The following RAD18 variants were observed in gnomAD, a reference collection of about 807,000 sequenced individuals.
RAD18 encodes E3 ubiquitin-protein ligase RAD18.
Under a neutral mutation model 60.4 loss-of-function variants are expected in RAD18, and 47 were observed. The observed-to-expected ratio is 0.78, with a 90% confidence interval of 0.62 to 0.99. RAD18 has a LOEUF of 0.99. Ranked by LOEUF, RAD18 falls within the 50% of genes least tolerant of loss-of-function variation. The probability of loss-of-function intolerance (pLI) is 0.00; values close to 1 mark genes in which losing one functional copy is unlikely to be tolerated. For missense variants in RAD18, 640 were observed against 593.3 expected, an observed-to-expected ratio of 1.08 and a Z score of -0.82; for synonymous variants, 225 against 195.5, an observed-to-expected ratio of 1.15 and a Z score of -1.26.
chr3:8,900,027 TAAC>T (rs1939874593), intron 10 of RAD18, among the ~76,000 whole-genome samples: 1 of 152,148 alleles, frequency 6.6e-6, no homozygotes, highest in Admixed American at 6.5e-5. Flanking sequence ...GGAAAGAACA[TAAC>T]AAATTCTTCA....
intron 7 of RAD18, among the ~76,000 whole-genome samples, chr3:8,928,948 T>A (rs1575551507): frequency 2.6e-5 from 3 of 115,160 alleles, no homozygotes; most frequent in East Asian, 4.1e-4. Context: ...TAAAAAGGTA[T>A]CTAAGAAATA....
intron 6 of RAD18, among the ~76,000 whole-genome samples, 194 bp downstream of exon 6, chr3:8,939,360 T>C (rs1940704658): frequency 6.6e-6 from 1 of 152,182 alleles, no homozygotes; most frequent in South Asian, 2.1e-4. Context: ...TAGCTAATCA[T>C]ATTTGGCAAA....
chr3:8,958,144 G>A (rs1941041034), intron 2 of RAD18, among the ~76,000 whole-genome samples: 1 of 152,174 alleles, frequency 6.6e-6, no homozygotes, highest in Non-Finnish European at 1.5e-5. Context: ...CAATGCCCGT[G>A]CTGCCGTCAC....
intron 9 of RAD18, among the ~76,000 whole-genome samples, chr3:8,903,043 A>G (rs1939941842): frequency 1.3e-5 from 2 of 151,936 alleles, no homozygotes; most frequent in African/African-American, 4.8e-5. Context: ...AAAAACAAAA[A>G]ACAAAAAACA....
chr3:8,937,048 CTAAT>C (rs1171150190), intron 6 of RAD18, among the ~76,000 whole-genome samples: 1 of 152,102 alleles, frequency 6.6e-6, no homozygotes, highest in Non-Finnish European at 1.5e-5. Flanking sequence ...CCAGAAATAA[CTAAT>C]TAACTGTGAA....
intron 7 of RAD18, among the ~76,000 whole-genome samples, chr3:8,934,150 T>C (rs1940610808): frequency 6.6e-6 from 1 of 152,172 alleles, no homozygotes; most frequent in African/African-American, 2.4e-5. Context: ...CAATTCCAGA[T>C]AAACCGTACA....
chr3:8,902,455 C>T lies in RAD18; in HGVS notation c.1093G>A (p.Ala365Thr), dbSNP rs200851398. ...DQARKGYKKI[A>T]GMSQKTVTIT... ...GTTACTGTTTTTTGTGACATTCCAGCAATTTTCTTGTATCCTTTTCTAGCC... is the reference window on the plus strand; with the variant it reads ...GTTACTGTTTTTTGTGACATTCCAGTAATTTTCTTGTATCCTTTTCTAGCC... Residue 365 changes from alanine to threonine, a missense_variant, in exon 10 of 13, where the codon GCT becomes ACT. Physicochemically the swap from Ala to Thr is moderately conservative, Grantham distance 58. Coordinates refer to ENST00000264926, the MANE Select transcript of RAD18 (RefSeq NM_020165.4). 1.2e-6 allele frequency: 2 copies of T among 1,610,184 alleles called. No homozygotes were observed. The highest frequency in any genetic ancestry group is 8.5e-7 in the Non-Finnish European group (1 of 1,177,544).
intron 2 of RAD18, among the ~76,000 whole-genome samples, chr3:8,956,979 G>C (rs1355892178): frequency 2.0e-5 from 3 of 152,066 alleles, no homozygotes; most frequent in African/African-American, 4.8e-5. Context: ...AAACATAAAG[G>C]CATATAGATC....
intron 10 of RAD18, among the ~76,000 whole-genome samples, chr3:8,900,016 G>T (rs1939874270): frequency 6.6e-6 from 1 of 152,082 alleles, no homozygotes; most frequent in African/African-American, 2.4e-5. Context: ...AGAATTTATG[G>T]GGAAAGAACA....
chr3:8,891,075 A>AATATATATATATATAT (rs71049753), intron 11 of RAD18, among the ~76,000 whole-genome samples: 467 of 25,788 alleles, frequency 0.018, 4 homozygotes, highest in African/African-American at 0.033. Context: ...ATATATATAA[A>AATATATATATATATAT]ATATATATAT....
intron 2 of RAD18, among the ~76,000 whole-genome samples, chr3:8,951,581 G>C (rs771015694): frequency 6.6e-6 from 1 of 152,210 alleles, no homozygotes; most frequent in African/African-American, 2.4e-5. Context: ...ATGTGAAACT[G>C]TAATAAAAAC....
At chr3:8,922,248 A>T (rs578931) in intron 7 of RAD18, among the ~76,000 whole-genome samples, 1 of 152,074 alleles carries the variant, frequency 6.6e-6, no homozygotes, top group Non-Finnish European at 1.5e-5. Flanking sequence ...CTACTACTGC[A>T]CTTCTCCAAC....
At chr3:8,927,081 C>A (rs1421163842) in intron 7 of RAD18, among the ~76,000 whole-genome samples, 1 of 152,132 alleles carries the variant, frequency 6.6e-6, no homozygotes, top group African/African-American at 2.4e-5. Flanking sequence ...AACTAAAGAG[C>A]TTCTGCACAG....
At chr3:8,939,805 G>T (rs985387722) in intron 5 of RAD18, 152 bp from the exon 6 acceptor site, 25 of 623,546 alleles carry the variant, frequency 4.0e-5, no homozygotes, top group East Asian at 2.1e-4. Flanking sequence ...GGCCCATCGG[G>T]ACAACAGGAG....
chr3:8,935,925 G>C lies in RAD18; in HGVS notation c.835C>G (p.Gln279Glu). ...GCATTGTACATGTGTACAAATTCTT[G>C]GTGCCTTTTAATGAGCTGTTGTTTA... ...GNKQQLIKRH[Q>E]EFVHMYNAQC... is the part of the protein sequence containing the mutation. Residue 279 changes from glutamine to glutamate, a missense_variant, in exon 7 of 13, where the codon CAA becomes GAA. Gln to Glu is a conservative substitution (Grantham distance 29). Transcript: ENST00000264926. The C allele has an allele frequency of 1.2e-6, 2 of 1,611,424 alleles. No homozygotes were observed. The highest frequency in any genetic ancestry group is 1.7e-6 in the Non-Finnish European group (2 of 1,178,650).
chr3:8,917,513 G>C (rs963627776), intron 7 of RAD18, among the ~76,000 whole-genome samples: 3 of 152,084 alleles, frequency 2.0e-5, no homozygotes, highest in Non-Finnish European at 2.9e-5. Flanking sequence ...ACAATACAAA[G>C]AATTAGGAGT....
In RAD18 at chr3:8,879,159, A is replaced by G. The variant is rs1481498169; in HGVS notation, c.*2198T>C. 6.6e-6 allele frequency: 1 copy of G among 152,198 alleles called. No homozygotes were observed. 9.4% of individuals were successfully genotyped at this position (152,198 alleles called of 1,614,324 possible). A position where few individuals can be genotyped will look rare whatever the true frequency, so the allele number is the denominator to read the frequency against. ...TCAGTCTTGGCACAACTGACATGTT[A>G]GACTGGATAATTCTTTACTGTGGAG... is the stretch of plus-strand genomic sequence containing the variant. On this transcript the variant is annotated 3_prime_UTR_variant, in exon 13 of 13. Transcript: ENST00000264926.
At chr3:8,947,382 G>A (rs1940855497) in intron 3 of RAD18, 92 bp from the exon 4 acceptor site, 1 of 1,000,336 alleles carries the variant, frequency 1.0e-6, no homozygotes, top group East Asian at 2.5e-5. Context: ...CCATCCTCCT[G>A]AGGTTCTCCA....
chr3:8,946,912 T>A (rs916513666), intron 4 of RAD18: 3 of 235,634 alleles, frequency 1.3e-5, no homozygotes, highest in African/African-American at 6.8e-5. Flanking sequence ...AGGAGCTCCT[T>A]GGAGAAATGG....
Sources: gnomAD v4.1 joint callset for allele counts (sites outside exome capture counted in the v4.1 genomes callset) on GRCh38, gnomAD v4.1.1 for gene constraint, MANE v1.5 for transcripts, NCBI Gene and HGNC (gene_info 2026-07-23, HGNC 2026-07-21) for gene names.